The following FRMD4A variants were observed in gnomAD, a reference collection of about 807,000 sequenced individuals.
FRMD4A encodes the protein FERM domain-containing protein 4A.
A neutral mutation model predicts 129.1 loss-of-function variants in FRMD4A; 29 were observed. The observed-to-expected ratio is 0.22, with a 90% CI of 0.17 to 0.31. FRMD4A has a LOEUF of 0.31. Among genes scored for constraint, FRMD4A ranks in the 10% least tolerant of loss-of-function variants. The probability of loss-of-function intolerance (pLI) is 1.00; values close to 1 mark genes in which losing one functional copy is unlikely to be tolerated. For missense variants in FRMD4A, 1,272 were observed against 1,375.8 expected (o/e 0.92, Z 1.19); for synonymous variants, 634 against 571.6 (o/e 1.11, Z -1.56).
intron 2 of FRMD4A, among the ~76,000 whole-genome samples, chr10:14,245,682 A>C (rs901481113): frequency 2.0e-5 from 3 of 152,188 alleles, no homozygotes; most frequent in Non-Finnish European, 4.4e-5. Context: ...ATTTGGACAG[A>C]CATTGCAAGA....
At chr10:14,113,392 T>C (rs1468891529) in intron 2 of FRMD4A, among the ~76,000 whole-genome samples, 2 of 152,208 alleles carry the variant, frequency 1.3e-5, no homozygotes, top group East Asian at 1.9e-4. Flanking sequence ...AAATATATTT[T>C]CTTCCTTGCA....
intron 2 of FRMD4A, among the ~76,000 whole-genome samples, chr10:14,079,526 T>C (rs893955287): frequency 6.6e-6 from 1 of 152,194 alleles, no homozygotes; most frequent in African/African-American, 2.4e-5. Flanking sequence ...CCAACACCAA[T>C]GTACTAATAA....
intron 2 of FRMD4A, among the ~76,000 whole-genome samples, chr10:14,207,295 C>A (rs1280568936): frequency 6.6e-6 from 1 of 152,084 alleles, no homozygotes; most frequent in Non-Finnish European, 1.5e-5. Flanking sequence ...ACAATTTTTC[C>A]ACGGATGGGG....
At chr10:13,910,589 G>A (rs935062469) in intron 2 of FRMD4A, among the ~76,000 whole-genome samples, 2 of 152,234 alleles carry the variant, frequency 1.3e-5, no homozygotes, top group African/African-American at 4.8e-5. Context: ...CCTGCAGAAA[G>A]CAGATTTGTT....
chr10:14,157,071 G>C (rs754466904), intron 2 of FRMD4A, among the ~76,000 whole-genome samples: 2 of 152,192 alleles, frequency 1.3e-5, no homozygotes, highest in African/African-American at 2.4e-5. Flanking sequence ...CAGAGCCTGG[G>C]GGTTCAGGTC....
chr10:14,141,398 G>C (rs1254510910), intron 2 of FRMD4A, among the ~76,000 whole-genome samples: 2 of 152,232 alleles, frequency 1.3e-5, no homozygotes, highest in African/African-American at 2.4e-5. Flanking sequence ...TGCTATCCAT[G>C]CACTCTCACC....
intron 2 of FRMD4A, among the ~76,000 whole-genome samples, chr10:14,291,093 C>T (rs1845837535): frequency 6.6e-6 from 1 of 152,076 alleles, no homozygotes; most frequent in South Asian, 2.1e-4. Context: ...AGGGAAGATT[C>T]AAGTTAAACC....
chr10:14,242,264 C>A lies in FRMD4A; in HGVS notation c.45+87794G>T, dbSNP rs371752013. On this transcript the variant is annotated intron_variant, in intron 2 of 24. Coordinates refer to ENST00000357447, the MANE Select transcript of FRMD4A (RefSeq NM_018027.5). ...TGAGAAGAACGTCCAAAGATGAGGGCTTTCTTTATTCCCCAAGTGTTCTTT... is the reference window on the plus strand; with the variant it reads ...TGAGAAGAACGTCCAAAGATGAGGGATTTCTTTATTCCCCAAGTGTTCTTT... 8.5e-5 allele frequency among the ~76,000 whole-genome samples: 13 copies of A among 152,300 alleles called. No homozygotes were observed. In the East Asian group the frequency reaches 9.7e-4, roughly 11 times the overall value.
Position 14,282,059 on chromosome 10 carries a change from A to G in FRMD4A, c.45+47999T>C, listed in dbSNP as rs141929314. On this transcript the variant is annotated intron_variant, in intron 2 of 24. Transcript: ENST00000357447. The stretch of plus-strand genomic sequence containing the variant: ...GTCTTACATGGCAGCAGGCAAGAGA[A>G]AGAATGAGAACCAAGCAAAAGGGGT... Among the ~76,000 whole-genome samples the G allele has an allele frequency of 9.5e-3, 1,452 of 152,288 alleles. 18 individuals carry two copies. Among genetic ancestry groups the G allele is most frequent in the African/African-American group, 0.028 (1,149 of 41,562 alleles).
intron 2 of FRMD4A, among the ~76,000 whole-genome samples, chr10:13,887,645 G>C (rs575288114): frequency 6.6e-6 from 1 of 152,256 alleles, no homozygotes; most frequent in East Asian, 1.9e-4. Context: ...TGGTGACAGA[G>C]CAAGACTCCA....
chr10:14,218,047 C>CT (rs1442509126), intron 2 of FRMD4A, among the ~76,000 whole-genome samples: 2 of 152,088 alleles, frequency 1.3e-5, no homozygotes, highest in Non-Finnish European at 2.9e-5. Flanking sequence ...CCAGGCTGGT[C>CT]TCAAACTCCT....
intron 2 of FRMD4A, among the ~76,000 whole-genome samples, chr10:14,030,145 G>A (rs1417936641): frequency 6.6e-6 from 1 of 152,214 alleles, no homozygotes; most frequent in Non-Finnish European, 1.5e-5. Flanking sequence ...CAAAGTTTCA[G>A]TTACGCAGGA....
At chr10:13,873,808 A>C (rs1336408671) in intron 2 of FRMD4A, among the ~76,000 whole-genome samples, 1 of 151,690 alleles carries the variant, frequency 6.6e-6, no homozygotes, top group African/African-American at 2.4e-5. Flanking sequence ...TGGCCTCCCA[A>C]AGTGCTGAGA....
intron 2 of FRMD4A, among the ~76,000 whole-genome samples, chr10:14,309,276 C>T (rs1202237847): frequency 2.0e-5 from 3 of 152,072 alleles, no homozygotes; most frequent in South Asian, 2.1e-4. Flanking sequence ...ATAGTGAGAC[C>T]TCATCTCTAA....
chr10:14,309,926 G>A (rs1445694999), intron 2 of FRMD4A, among the ~76,000 whole-genome samples: 1 of 120,074 alleles, frequency 8.3e-6, no homozygotes, highest in East Asian at 2.3e-4. Flanking sequence ...GTCCCCCACC[G>A]TCCCCTGCAC....
intron 2 of FRMD4A, among the ~76,000 whole-genome samples, chr10:13,931,906 GC>G (rs1308790741): frequency 2.6e-5 from 4 of 151,966 alleles, no homozygotes; most frequent in African/African-American, 9.7e-5. Flanking sequence ...CCACGATTGT[GC>G]CACTGCACTC....
intron 2 of FRMD4A, among the ~76,000 whole-genome samples, chr10:14,255,983 G>T (rs991643303): frequency 6.2e-5 from 9 of 144,698 alleles, no homozygotes; most frequent in African/African-American, 2.3e-4. Flanking sequence ...TCCACCCTGG[G>T]TGACAAAGCA....
In FRMD4A at chr10:13,796,528, CT is replaced by C; in HGVS notation, c.266del (p.Lys89SerfsTer15). On this transcript the variant is annotated frameshift_variant, in exon 5 of 25. Transcript: ENST00000357447. LOFTEE classifies it high-confidence loss of function. The part of the protein sequence containing the change: ...RRVLEHDFPK[K>X]SGPVVLYFCV... ...AAAAGTATAAAACCACGGGTCCTGACTTTTTAGGGAAGTCATGTTCCAATAC... is the reference window on the plus strand; with the variant it reads ...AAAAGTATAAAACCACGGGTCCTGACTTTTAGGGAAGTCATGTTCCAATAC... 1.9e-6 allele frequency: 3 copies of C among 1,599,470 alleles called. No individual in the cohort carries two copies. Among genetic ancestry groups the C allele is most frequent in the Non-Finnish European group, 2.6e-6 (3 of 1,166,728 alleles).
chr10:14,096,781 T>G (rs2131765477), intron 2 of FRMD4A, among the ~76,000 whole-genome samples: 1 of 152,212 alleles, frequency 6.6e-6, no homozygotes, highest in Non-Finnish European at 1.5e-5. Flanking sequence ...ATTACAACAA[T>G]GCATTCTTTC....
Sources: allele counts gnomAD v4.1 joint callset (sites outside exome capture counted in the v4.1 genomes callset), GRCh38; gene constraint gnomAD v4.1.1; transcripts MANE v1.5; gene names NCBI Gene and HGNC (gene_info 2026-07-23, HGNC 2026-07-21).